Variants in SNX29 observed in about 807,000 individuals in gnomAD.
SNX29 encodes sorting nexin-29.
In SNX29, 78 loss-of-function variants were observed where a neutral mutation model predicts 102.1. The ratio of observed to expected loss-of-function variants is 0.76; its 90% CI spans 0.64 to 0.92. SNX29 has a LOEUF of 0.92. Among genes scored for constraint, SNX29 ranks in the 40% least tolerant of loss-of-function variants. The probability of loss-of-function intolerance (pLI) is 0.00; values close to 1 mark genes in which losing one functional copy is unlikely to be tolerated. For missense variants in SNX29, 1,280 were observed against 1,061.7 expected (o/e 1.21, Z -2.86); for synonymous variants, 580 against 414.5 (o/e 1.40, Z -4.85).
intron 9 of SNX29, among the ~76,000 whole-genome samples, chr16:12,065,975 G>A (rs1423229769): frequency 2.0e-5 from 3 of 152,140 alleles, no homozygotes; most frequent in African/African-American, 4.8e-5. Context: ...AGGATGAGAC[G>A]GTCTATGCTG....
intron 15 of SNX29, among the ~76,000 whole-genome samples, chr16:12,302,688 C>A (rs983764065): frequency 6.6e-6 from 1 of 152,200 alleles, no homozygotes; most frequent in South Asian, 2.1e-4. Flanking sequence ...AATTTCATTG[C>A]GCTTTTGAGG....
At chr16:12,343,136 A>G (rs2081664433) in intron 15 of SNX29, among the ~76,000 whole-genome samples, 1 of 152,224 alleles carries the variant, frequency 6.6e-6, no homozygotes, top group South Asian at 2.1e-4. Context: ...CGAAGGGAAT[A>G]TGATTAAAAA....
chr16:11,996,440 G>A (rs2056076350), intron 1 of SNX29, among the ~76,000 whole-genome samples: 2 of 152,152 alleles, frequency 1.3e-5, no homozygotes. Context: ...GATCTGTGTG[G>A]ACATTAAAGT....
chr16:12,416,115 A>G (rs6498295), intron 18 of SNX29, among the ~76,000 whole-genome samples: 85,403 of 152,006 alleles, frequency 0.56, 24,538 homozygotes, highest in Non-Finnish European at 0.63. Context: ...ATCAGCCTGT[A>G]GGAGGTAAGG....
intron 20 of SNX29, among the ~76,000 whole-genome samples, chr16:12,562,649 G>A (rs2078793262): frequency 6.6e-6 from 1 of 152,186 alleles, no homozygotes; most frequent in Non-Finnish European, 1.5e-5. Context: ...CTGAGGGGCT[G>A]TTTTATGTCG....
rs139991453 is a variant in SNX29, at chr16:12,391,715, T to C, written c.1900-6731T>C. On this transcript the variant is annotated intron_variant, in intron 16 of 20. Transcript: ENST00000566228. The stretch of plus-strand genomic sequence containing the variant: ...AATTGCAGATGTCGGTATATGTTTC[T>C]CCCAAAATACTTCAGTAGGCACATA... Among the ~76,000 whole-genome samples, 808 of 152,300 alleles carry C rather than the reference T, an allele frequency of 5.3e-3. 11 individuals carry two copies. The highest frequency in any genetic ancestry group is 0.018 in the African/African-American group (766 of 41,564).
At chr16:12,381,823 C>T (rs1168687610) in intron 16 of SNX29, among the ~76,000 whole-genome samples, 1 of 144,360 alleles carries the variant, frequency 6.9e-6, no homozygotes, top group East Asian at 2.1e-4. Context: ...TCCACCCACC[C>T]ATCATCCATC....
chr16:12,403,369 T>G, intron 17 of SNX29, 79 bp from the exon 18 acceptor site: 1 of 1,414,272 alleles, frequency 7.1e-7, no homozygotes. Flanking sequence ...GAAAATTGTC[T>G]CCTTTCCTCT....
Position 12,464,229 on chromosome 16 carries a change from C to CGTGTGT in SNX29, c.2038-13479_2038-13474dup, listed in dbSNP as rs138917966. Among the ~76,000 whole-genome samples the CGTGTGT allele has an allele frequency of 1.7e-4, 24 of 141,048 alleles. No individual in the cohort carries two copies. In the East Asian group the frequency reaches 4.2e-3, roughly 25 times the overall value. 92.5% of individuals were successfully genotyped at this position (141,048 alleles called of 152,430 possible). A position where few individuals can be genotyped will look rare whatever the true frequency, so the allele number is the denominator to read the frequency against. On this transcript the variant is annotated intron_variant, in intron 18 of 20. Coordinates refer to ENST00000566228, the MANE Select transcript of SNX29 (RefSeq NM_032167.5). ...TTTATGGCTGAATATTATTCCATGGCGTGTGTGTGTGTGTGTACCACATAT... is the reference window on the plus strand; with the variant it reads ...TTTATGGCTGAATATTATTCCATGGCGTGTGTGTGTGTGTGTGTGTGTACCACATAT...
intron 13 of SNX29, among the ~76,000 whole-genome samples, chr16:12,170,976 G>A (rs766931096): frequency 1.3e-5 from 2 of 152,008 alleles, no homozygotes; most frequent in Non-Finnish European, 2.9e-5. Flanking sequence ...CCCGGCCAGC[G>A]TGTTTAGGGT....
rs1423921553 is a variant in SNX29 at position 12,116,250 on chromosome 16, A to G, written c.1403-10383A>G. On this transcript the variant is annotated intron_variant, in intron 11 of 20. Transcript: ENST00000566228. The stretch of plus-strand genomic sequence containing the variant: ...TAGAGACTCAAACAGGTAACTATGC[A>G]CAAAGGTTGATGGCAACATGATCAC... 6.6e-5 allele frequency among the ~76,000 whole-genome samples: 10 copies of G among 152,360 alleles called. 1 individual carries two copies. In the South Asian group the frequency reaches 1.9e-3, roughly 28 times the overall value.
chr16:12,130,004 T>C (rs1280829647), intron 13 of SNX29, among the ~76,000 whole-genome samples: 1 of 151,258 alleles, frequency 6.6e-6, no homozygotes, highest in East Asian at 2.0e-4. Flanking sequence ...CTTGGGAGGC[T>C]GAGGCAGGAG....
chr16:12,356,367 C>G (rs1186586508), intron 16 of SNX29, 88 bp downstream of exon 16: 3 of 1,245,900 alleles, frequency 2.4e-6, no homozygotes, highest in Non-Finnish European at 3.4e-6. Context: ...GAGCAAGCAA[C>G]CATGCATCCA....
At chr16:12,497,695 A>G (rs1003471601) in intron 19 of SNX29, among the ~76,000 whole-genome samples, 4 of 152,076 alleles carry the variant, frequency 2.6e-5, no homozygotes, top group East Asian at 3.9e-4. Flanking sequence ...CTTTTTCTCA[A>G]TTGGCTTCCT....
chr16:12,555,541 C>T (rs899328023), intron 20 of SNX29, among the ~76,000 whole-genome samples: 13 of 151,348 alleles, frequency 8.6e-5, no homozygotes, highest in Non-Finnish European at 1.6e-4. Flanking sequence ...TCTGGGAGGT[C>T]ATACCGTGGG....
At chr16:12,451,255 G>C (rs1177139344) in intron 18 of SNX29, among the ~76,000 whole-genome samples, 1 of 152,192 alleles carries the variant, frequency 6.6e-6, no homozygotes, top group East Asian at 1.9e-4. Context: ...TCAGGGCTCT[G>C]TGCGAAATGG....
intron 18 of SNX29, among the ~76,000 whole-genome samples, chr16:12,421,072 T>A (rs2084854332): frequency 6.6e-6 from 1 of 152,136 alleles, no homozygotes; most frequent in Non-Finnish European, 1.5e-5. Context: ...ATTTTACAGA[T>A]AAGGAAACTA....
intron 14 of SNX29, among the ~76,000 whole-genome samples, chr16:12,241,526 C>G (rs2078104610): frequency 6.6e-6 from 1 of 151,878 alleles, no homozygotes; most frequent in Non-Finnish European, 1.5e-5. Context: ...GTGGCATGAT[C>G]TTAGCTCACT....
rs75496966 is a variant in SNX29 at position 12,271,950 on chromosome 16, G to A, written c.1679-5983G>A. Reference sequence around the variant, plus strand: ...GGGTCCATCTTCGAAGCTGCTTACTGATGGGAAAAGTATGATATAGTTAGG... The same window carrying A: ...GGGTCCATCTTCGAAGCTGCTTACTAATGGGAAAAGTATGATATAGTTAGG... On this transcript the variant is annotated intron_variant, in intron 14 of 20. Coordinates refer to ENST00000566228, the MANE Select transcript of SNX29 (RefSeq NM_032167.5). 4.0e-4 allele frequency among the ~76,000 whole-genome samples: 61 copies of A among 152,228 alleles called. 1 individual carries two copies. The East Asian group carries it at 0.011, about 28-fold the overall frequency.
Sources: allele counts gnomAD v4.1 joint callset (sites outside exome capture counted in the v4.1 genomes callset), GRCh38; gene constraint gnomAD v4.1.1; transcripts MANE v1.5; gene names NCBI Gene and HGNC (gene_info 2026-07-23, HGNC 2026-07-21).